DLG2: variants seen among roughly 807,000 people sequenced by gnomAD.
DLG2 encodes disks large homolog 2.
DLG2 carries 45 observed loss-of-function variants against 132.5 expected under a neutral mutation model. The observed-to-expected ratio is 0.34, with a 90% confidence interval of 0.27 to 0.44. DLG2 has a LOEUF of 0.44. Among genes scored for constraint, DLG2 ranks in the 20% least tolerant of loss-of-function variants. The probability of loss-of-function intolerance (pLI) is 1.00; values close to 1 mark genes in which losing one functional copy is unlikely to be tolerated. For missense variants in DLG2, 1,045 were observed against 1,196.9 expected (o/e 0.87, Z 1.87); for synonymous variants, 424 against 419.6 (o/e 1.01, Z -0.13).
At chr11:83,547,375 T>A (rs2096267694) in intron 19 of DLG2, among the ~76,000 whole-genome samples, 1 of 152,102 alleles carries the variant, frequency 6.6e-6, no homozygotes, top group East Asian at 1.9e-4. Flanking sequence ...AGGTTAAGGA[T>A]CTTGAGAAGG....
In DLG2 at chr11:84,264,129, C is replaced by T. The variant is rs187442880; in HGVS notation, c.520-12838G>A. Among the ~76,000 whole-genome samples the T allele has an allele frequency of 1.8e-4, 27 of 152,256 alleles. No homozygotes were observed. In the East Asian group the frequency reaches 4.2e-3, roughly 24 times the overall value. ...GATAAAAAGGAGACGTGAATGGGGA[C>T]TAGAAACATAGAGGTTCACTAAATA... is the stretch of plus-strand genomic sequence containing the variant. On this transcript the variant is annotated intron_variant, in intron 7 of 27. Transcript: ENST00000376104.
At chr11:85,024,965 C>A (rs1400174715) in intron 6 of DLG2, among the ~76,000 whole-genome samples, 2 of 152,122 alleles carry the variant, frequency 1.3e-5, no homozygotes, top group African/African-American at 4.8e-5. Flanking sequence ...CATTGATTGG[C>A]AAAATAATCC....
intron 8 of DLG2, among the ~76,000 whole-genome samples, chr11:84,193,208 A>C (rs1360471846): frequency 1.3e-5 from 2 of 152,162 alleles, no homozygotes; most frequent in South Asian, 2.1e-4. Context: ...CTGGCCCCGA[A>C]CTCTGGCAGG....
chr11:85,239,312 T>A (rs1232161877), intron 4 of DLG2, among the ~76,000 whole-genome samples: 1 of 152,110 alleles, frequency 6.6e-6, no homozygotes, highest in Non-Finnish European at 1.5e-5. Flanking sequence ...TTCTCTCAAC[T>A]GCAAATGGCA....
In DLG2 at chr11:84,238,984, C is replaced by T. The variant is rs1295065575; in HGVS notation, c.573+12254G>A. On this transcript the variant is annotated intron_variant, in intron 8 of 27. Transcript: ENST00000376104. ...CAGCCCACTTTTAGGTGGTCACATG[C>T]ACATTGATCCACATGATCATGTAGA... 2.0e-5 allele frequency among the ~76,000 whole-genome samples: 3 copies of T among 152,154 alleles called. 1 individual carries two copies. The highest frequency in any genetic ancestry group is 4.4e-5 in the Non-Finnish European group (3 of 68,042).
chr11:84,668,005 G>A (rs1316597134), intron 6 of DLG2, among the ~76,000 whole-genome samples: 6 of 152,114 alleles, frequency 3.9e-5, no homozygotes, highest in Non-Finnish European at 5.9e-5. Context: ...TAAGGACTCT[G>A]AGTGAGACAG....
chr11:84,213,706 C>T (rs1302108493), intron 8 of DLG2, among the ~76,000 whole-genome samples: 1 of 151,224 alleles, frequency 6.6e-6, no homozygotes, highest in Non-Finnish European at 1.5e-5. Flanking sequence ...GTAGTCCCAG[C>T]TACTCGGGAG....
intron 3 of DLG2, among the ~76,000 whole-genome samples, chr11:85,398,826 C>G (rs1349917941): frequency 6.6e-6 from 1 of 152,250 alleles, no homozygotes; most frequent in African/African-American, 2.4e-5. Flanking sequence ...GACAGATTCA[C>G]AGCCAAATTC....
intron 9 of DLG2, among the ~76,000 whole-genome samples, chr11:84,145,243 G>T (rs553173808): frequency 7.2e-5 from 11 of 152,272 alleles, no homozygotes; most frequent in African/African-American, 2.6e-4. Flanking sequence ...GTCATGTGTT[G>T]CTTAATGACA....
chr11:85,611,452 C>A (rs2080994007), intron 2 of DLG2, among the ~76,000 whole-genome samples: 1 of 152,136 alleles, frequency 6.6e-6, no homozygotes, highest in Non-Finnish European at 1.5e-5. Flanking sequence ...GCATGACTGC[C>A]AAACTTATAG....
chr11:84,382,883 A>T (rs1257835747), intron 7 of DLG2, among the ~76,000 whole-genome samples: 3 of 151,396 alleles, frequency 2.0e-5, no homozygotes, highest in African/African-American at 4.9e-5. Flanking sequence ...AAAAAAAAAA[A>T]GTTCCCATAT....
At chr11:83,543,196 G>A (rs2096132979) in intron 19 of DLG2, among the ~76,000 whole-genome samples, 1 of 152,076 alleles carries the variant, frequency 6.6e-6, no homozygotes, top group South Asian at 2.1e-4. Context: ...CAAGCTCCCG[G>A]AATGAATCAT....
rs965273193 is a variant in DLG2, at chr11:85,295,939, G to T, written c.41-10574C>A. Among the ~76,000 whole-genome samples, 4 of 152,108 alleles carry T rather than the reference G, an allele frequency of 2.6e-5. 1 individual carries two copies. Among genetic ancestry groups the T allele is most frequent in the African/African-American group, 9.7e-5 (4 of 41,430 alleles). ...AGGGAGACAAGAATGCTTATGCACA[G>T]AAGTAGCTATAGACTTTCAGTATAG... is the stretch of plus-strand genomic sequence containing the variant. On this transcript the variant is annotated intron_variant, in intron 3 of 27. Coordinates refer to ENST00000376104, the MANE Select transcript of DLG2 (RefSeq NM_001142699.3).
At chr11:84,782,455 C>T (rs893793836) in intron 6 of DLG2, among the ~76,000 whole-genome samples, 5 of 151,700 alleles carry the variant, frequency 3.3e-5, no homozygotes, top group Non-Finnish European at 7.4e-5. Context: ...CACACACACA[C>T]ACACACACAC....
At chr11:84,347,273 T>C (rs1466920456) in intron 7 of DLG2, among the ~76,000 whole-genome samples, 1 of 152,208 alleles carries the variant, frequency 6.6e-6, no homozygotes, top group East Asian at 1.9e-4. Context: ...CACTTGAGAA[T>C]ATTAACATAT....
intron 3 of DLG2, among the ~76,000 whole-genome samples, chr11:85,297,002 TATA>T (rs2079272404): frequency 6.6e-6 from 1 of 151,370 alleles, no homozygotes; most frequent in African/African-American, 2.4e-5. Flanking sequence ...ATAGTACAGA[TATA>T]ATCATTTCCA....
chr11:85,338,214 AT>A (rs1293240406), intron 3 of DLG2, among the ~76,000 whole-genome samples: 1 of 152,194 alleles, frequency 6.6e-6, no homozygotes, highest in Non-Finnish European at 1.5e-5. Flanking sequence ...AAAAAGGGAA[AT>A]CCAAAAAGGA....
At chr11:83,950,217 C>A (rs1203053342) in intron 14 of DLG2, among the ~76,000 whole-genome samples, 1 of 152,218 alleles carries the variant, frequency 6.6e-6, no homozygotes, top group Non-Finnish European at 1.5e-5. Flanking sequence ...ACTATTACCA[C>A]AATTCTTATG....
intron 3 of DLG2, among the ~76,000 whole-genome samples, chr11:85,497,006 C>A (rs185169267): frequency 6.6e-6 from 1 of 152,028 alleles, no homozygotes; most frequent in East Asian, 1.9e-4. Context: ...TTCCAAAAAC[C>A]AGAATGCCTC....
Sources: gnomAD v4.1 joint callset for allele counts (sites outside exome capture counted in the v4.1 genomes callset) on GRCh38, gnomAD v4.1.1 for gene constraint, MANE v1.5 for transcripts, NCBI Gene and HGNC (gene_info 2026-07-23, HGNC 2026-07-21) for gene names.